Variants in KCTD16 observed in about 807,000 individuals in gnomAD.
KCTD16 encodes potassium channel tetramerization domain containing 16, also known as BTB/POZ domain-containing protein KCTD16.
A neutral mutation model predicts 33.2 loss-of-function variants in KCTD16; 13 were observed. That is an observed-to-expected ratio of 0.39 (90% CI 0.25 to 0.62). The LOEUF (loss-of-function observed/expected upper bound fraction) is 0.62, where lower values mean the gene tolerates loss of function less well. Ranked by LOEUF, KCTD16 falls within the 20% of genes least tolerant of loss-of-function variation. KCTD16 has a pLI of 0.50. For synonymous variants in KCTD16, 197 were observed against 195.3 expected (o/e 1.01, Z -0.07); for missense variants, 441 against 525.1 (o/e 0.84, Z 1.57).
chr5:144,471,187 A>G (rs1030769911), intron 3 of KCTD16, among the ~76,000 whole-genome samples: 1 of 152,168 alleles, frequency 6.6e-6, no homozygotes, highest in African/African-American at 2.4e-5. Context: ...TGTCTCAAAA[A>G]ACAAACAAAC....
chr5:144,420,508 TTAAA>T (rs1253436995), intron 3 of KCTD16, among the ~76,000 whole-genome samples: 2 of 150,934 alleles, frequency 1.3e-5, no homozygotes, highest in Admixed American at 1.3e-4. Context: ...AGTGACTTAT[TTAAA>T]TGTGTGTGTG....
intron 3 of KCTD16, among the ~76,000 whole-genome samples, chr5:144,246,320 G>C (rs1754548258): frequency 6.6e-6 from 1 of 152,066 alleles, no homozygotes; most frequent in Non-Finnish European, 1.5e-5. Flanking sequence ...AAATTATCAG[G>C]CTATGTCCAT....
intron 3 of KCTD16, among the ~76,000 whole-genome samples, chr5:144,448,651 TATTTTTAAAATGAC>T (rs1753875482): frequency 6.6e-6 from 1 of 152,104 alleles, no homozygotes; most frequent in South Asian, 2.1e-4. Context: ...AGAGCAAGCA[TATTTTTAAAATGAC>T]AGCTCTAAGG....
chr5:144,309,901 T>C (rs1236517203), intron 3 of KCTD16, among the ~76,000 whole-genome samples: 1 of 152,098 alleles, frequency 6.6e-6, no homozygotes, highest in South Asian at 2.1e-4. Flanking sequence ...TTGTATACGG[T>C]GCAGTTTATT....
At chr5:144,293,600 A>G (rs1755955293) in intron 3 of KCTD16, among the ~76,000 whole-genome samples, 2 of 152,236 alleles carry the variant, frequency 1.3e-5, no homozygotes, top group African/African-American at 4.8e-5. Flanking sequence ...AGAGACCTTC[A>G]AAAGCATTCA....
At chr5:144,214,736 C>T (rs1381151973) in intron 3 of KCTD16, among the ~76,000 whole-genome samples, 3 of 152,238 alleles carry the variant, frequency 2.0e-5, no homozygotes, top group Non-Finnish European at 2.9e-5. Flanking sequence ...GTCCACCATA[C>T]CTGGATTAGG....
chr5:144,471,447 T>C lies in KCTD16; in HGVS notation c.833-2213T>C, dbSNP rs185181371. On this transcript the variant is annotated intron_variant, in intron 3 of 3. Transcript: ENST00000512467. ...GTATTTCCCCTCTTCCTGTTCTTTT[T>C]GTAAAAGCTAAATTCAATTTCTACA... Among the ~76,000 whole-genome samples, 489 of 152,360 alleles carry C rather than the reference T, an allele frequency of 3.2e-3. 4 individuals are homozygous for C. The highest frequency in any genetic ancestry group is 0.011 in the African/African-American group (473 of 41,588).
At chr5:144,407,370 ATT>A (rs534557684) in intron 3 of KCTD16, among the ~76,000 whole-genome samples, 1 of 146,070 alleles carries the variant, frequency 6.8e-6, no homozygotes. Context: ...GAGTGACTGT[ATT>A]TTTTTTTTTG....
intron 3 of KCTD16, among the ~76,000 whole-genome samples, chr5:144,314,108 T>C (rs1369687365): frequency 6.6e-6 from 1 of 152,182 alleles, no homozygotes; most frequent in Non-Finnish European, 1.5e-5. Flanking sequence ...AATGGAATTG[T>C]TTGAATAATT....
chr5:144,295,260 A>C (rs1171701568), intron 3 of KCTD16, among the ~76,000 whole-genome samples: 1 of 152,196 alleles, frequency 6.6e-6, no homozygotes, highest in Non-Finnish European at 1.5e-5. Flanking sequence ...TGGAGCCACC[A>C]TTTGTTTGCT....
chr5:144,401,585 G>A (rs559229308), intron 3 of KCTD16, among the ~76,000 whole-genome samples: 1 of 152,312 alleles, frequency 6.6e-6, no homozygotes, highest in Admixed American at 6.5e-5. Context: ...GTGAGAGTGG[G>A]CAGGGTTTCC....
chr5:144,189,870 A>G (rs1426918334), intron 2 of KCTD16, among the ~76,000 whole-genome samples: 1 of 152,108 alleles, frequency 6.6e-6, no homozygotes, highest in Non-Finnish European at 1.5e-5. Context: ...CCTTCTCCAC[A>G]GTGGCTTTAA....
chr5:144,359,839 G>A (rs1478512134), intron 3 of KCTD16, among the ~76,000 whole-genome samples: 2 of 151,996 alleles, frequency 1.3e-5, no homozygotes, highest in Non-Finnish European at 2.9e-5. Context: ...GAGTCTAGAA[G>A]TCAATGGATG....
At chr5:144,340,861 C>A (rs1441690977) in intron 3 of KCTD16, among the ~76,000 whole-genome samples, 3 of 151,648 alleles carry the variant, frequency 2.0e-5, no homozygotes, top group African/African-American at 7.3e-5. Context: ...ACCAGCCTGA[C>A]CAACATGGTG....
intron 3 of KCTD16, among the ~76,000 whole-genome samples, chr5:144,380,410 A>G (rs1390690348): frequency 6.6e-6 from 1 of 152,204 alleles, no homozygotes; most frequent in Non-Finnish European, 1.5e-5. Context: ...AAATGGCTAC[A>G]CTGCTCAAAG....
chr5:144,465,485 A>G (rs1308346917), intron 3 of KCTD16, among the ~76,000 whole-genome samples: 1 of 151,832 alleles, frequency 6.6e-6, no homozygotes, highest in Admixed American at 6.6e-5. Flanking sequence ...GTGTTTCCTC[A>G]TTGTAAAAAT....
chr5:144,443,723 T>C (rs1002763919), intron 3 of KCTD16, among the ~76,000 whole-genome samples: 1 of 152,156 alleles, frequency 6.6e-6, no homozygotes, highest in Non-Finnish European at 1.5e-5. Context: ...ATTATCACTA[T>C]GAAGCTCAAG....
In KCTD16 at chr5:144,272,082, A is replaced by C. The variant is rs79548792; in HGVS notation, c.832+64536A>C. Among the ~76,000 whole-genome samples the C allele has an allele frequency of 3.9e-3, 593 of 152,302 alleles. 16 individuals are homozygous for C. The highest frequency in any genetic ancestry group is 0.029 in the Admixed American group (445 of 15,292). ...TATAATATATTAAGATGCCAATATT[A>C]CTCAAAGCAATCTATAGATTGAATG... On this transcript the variant is annotated intron_variant, in intron 3 of 3. Coordinates refer to ENST00000512467, the MANE Select transcript of KCTD16 (RefSeq NM_020768.4).
At chr5:144,312,788 G>A (rs1009517427) in intron 3 of KCTD16, among the ~76,000 whole-genome samples, 1 of 152,128 alleles carries the variant, frequency 6.6e-6, no homozygotes, top group African/African-American at 2.4e-5. Flanking sequence ...CCTTTCCCTC[G>A]CACTTCTCAT....
Sources: allele counts gnomAD v4.1 joint callset (sites outside exome capture counted in the v4.1 genomes callset), GRCh38; gene constraint gnomAD v4.1.1; transcripts MANE v1.5; gene names NCBI Gene and HGNC (gene_info 2026-07-23, HGNC 2026-07-21).